The following PRKN variants were observed in gnomAD, a reference collection of about 807,000 sequenced individuals.
The protein encoded by PRKN is parkin RBR E3 ubiquitin protein ligase.
A neutral mutation model predicts 59.5 loss-of-function variants in PRKN; 56 were observed. That is an observed-to-expected ratio of 0.94 (90% CI 0.76 to 1.18). The LOEUF (loss-of-function observed/expected upper bound fraction) is 1.18, where lower values mean the gene tolerates loss of function less well. Ranked by LOEUF, PRKN falls within the 50% of genes most tolerant of loss-of-function variation. The pLI, the probability that PRKN is intolerant of heterozygous loss-of-function variation, is 0.00. For synonymous variants in PRKN, 250 were observed against 222.1 expected (o/e 1.13, Z -1.12); for missense variants, 657 against 596.4 (o/e 1.10, Z -1.06).
In PRKN at chr6:161,350,091, C is replaced by A. The variant is rs368253350; in HGVS notation, c.*8G>T. On this transcript the variant is annotated 3_prime_UTR_variant, in exon 12 of 12. Coordinates refer to ENST00000366898, the MANE Select transcript of PRKN (RefSeq NM_004562.3). ...AGGATGTGGCGATGGGGCGCCCGGCCGCCCTGGCTACACGTCGAACCAGTG... is the reference window on the plus strand; with the variant it reads ...AGGATGTGGCGATGGGGCGCCCGGCAGCCCTGGCTACACGTCGAACCAGTG... 5.0e-6 allele frequency: 8 copies of A among 1,599,322 alleles called. No homozygotes were observed. In the Admixed American group the frequency reaches 1.2e-4, roughly 23 times the overall value.
intron 6 of PRKN, among the ~76,000 whole-genome samples, chr6:161,879,047 T>A (rs751275370): frequency 3.3e-5 from 5 of 152,162 alleles, no homozygotes; most frequent in Non-Finnish European, 7.4e-5. Context: ...AAGTGCCGAT[T>A]CCTACCCTCT....
intron 1 of PRKN, among the ~76,000 whole-genome samples, chr6:162,444,507 A>G (rs1241464270): frequency 6.6e-6 from 1 of 151,796 alleles, no homozygotes; most frequent in African/African-American, 2.4e-5. Flanking sequence ...AAAAATCACA[A>G]AAAACTGCTG....
At chr6:161,922,820 T>C (rs1583350831) in intron 6 of PRKN, among the ~76,000 whole-genome samples, 1 of 152,228 alleles carries the variant, frequency 6.6e-6, no homozygotes, top group Non-Finnish European at 1.5e-5. Flanking sequence ...AGTTGGAGTT[T>C]TGTTTTTAAT....
chr6:161,915,477 T>C (rs1332623864), intron 6 of PRKN, among the ~76,000 whole-genome samples: 1 of 152,208 alleles, frequency 6.6e-6, no homozygotes, highest in Non-Finnish European at 1.5e-5. Flanking sequence ...AGAGTTTTAA[T>C]TTTCTTATCA....
chr6:162,563,069 G>A (rs1395138091), intron 1 of PRKN, among the ~76,000 whole-genome samples: 2 of 152,276 alleles, frequency 1.3e-5, no homozygotes, highest in African/African-American at 4.8e-5. Context: ...CTGGGAGGCC[G>A]AGGCGGGCGG....
At position 161,459,618 on chromosome 6, in the gene PRKN, G is replaced by A. The variant is rs766849078; in HGVS notation, c.1084-72741C>T. Reference sequence around the variant, plus strand: ...CAGCTTCTCTGAGATCCATCCTGCTGTCAGCCCTAGAACTCCCTCACAAGC... The same window carrying A: ...CAGCTTCTCTGAGATCCATCCTGCTATCAGCCCTAGAACTCCCTCACAAGC... On this transcript the variant is annotated intron_variant, in intron 9 of 11. Coordinates refer to ENST00000366898, the MANE Select transcript of PRKN (RefSeq NM_004562.3). The surrounding 1 kb of genome is among the most constrained non-coding windows in gnomAD (Gnocchi z 4.8). 1.3e-5 allele frequency among the ~76,000 whole-genome samples: 2 copies of A among 152,154 alleles called. No individual in the cohort carries two copies. The highest frequency in any genetic ancestry group is 2.9e-5 in the Non-Finnish European group (2 of 68,020).
At chr6:161,954,103 A>G (rs1217707362) in intron 6 of PRKN, among the ~76,000 whole-genome samples, 1 of 152,160 alleles carries the variant, frequency 6.6e-6, no homozygotes, top group Non-Finnish European at 1.5e-5. Flanking sequence ...TTTGGGCAGG[A>G]AGAGATTTTT....
intron 7 of PRKN, among the ~76,000 whole-genome samples, chr6:161,606,422 C>T (rs1013122032): frequency 2.0e-5 from 3 of 152,088 alleles, no homozygotes; most frequent in African/African-American, 7.2e-5. Context: ...ATGGTGGTGA[C>T]AGTAACTGAA....
chr6:161,803,213 G>A (rs768491084), intron 6 of PRKN, among the ~76,000 whole-genome samples: 1 of 152,142 alleles, frequency 6.6e-6, no homozygotes, highest in Non-Finnish European at 1.5e-5. Flanking sequence ...AAGAATGCTG[G>A]TTTTGCCACT....
chr6:161,802,558 T>G (rs1791132343), intron 6 of PRKN, among the ~76,000 whole-genome samples: 1 of 151,996 alleles, frequency 6.6e-6, no homozygotes, highest in African/African-American at 2.4e-5. Context: ...TGTGCGAGCG[T>G]GCTTCCCCAA....
rs766915327 is a variant in PRKN at position 161,360,168 on chromosome 6, C to T, written c.1205G>A (p.Arg402His). 5.4e-5 allele frequency: 87 copies of T among 1,614,164 alleles called. No homozygotes were observed. The highest frequency in any genetic ancestry group is 4.9e-4 in the South Asian group (45 of 91,084). ...RVDERAAEQA[R>H]WEAASKETIK... The stretch of plus-strand genomic sequence containing the variant: ...GGTTTCTTTGGAGGCTGCTTCCCAA[C>T]GAGCCTGCTCGGCGGCTCTTTCATC... Residue 402 changes from arginine (R) to histidine (H), a missense_variant, in exon 11 of 12, where the codon CGT (arginine) becomes CAT (histidine). Arg to His is a conservative substitution (Grantham distance 29). Transcript: ENST00000366898. The surrounding 1 kb of genome is among the most constrained non-coding windows in gnomAD (Gnocchi z 5.1).
intron 3 of PRKN, among the ~76,000 whole-genome samples, chr6:162,204,456 G>GA (rs1784851587): frequency 1.3e-5 from 2 of 151,886 alleles, no homozygotes; most frequent in Admixed American, 6.6e-5. Context: ...GTACTTCTCA[G>GA]AAAAAAACAA....
At position 161,785,880 on chromosome 6, in the gene PRKN, AG is replaced by A; in HGVS notation, c.762del (p.Ser255ProfsTer4). 6.2e-7 allele frequency: 1 copy of A among 1,614,120 alleles called. No homozygotes were observed. Among genetic ancestry groups the A allele is most frequent in the South Asian group, 1.1e-5 (1 of 91,076 alleles). ...CAGTCTAAGCAAATCACGTGGCGGGAGTTGCACTGGAAAACCAGGACGGGGC... is the reference window on the plus strand; with the variant it reads ...CAGTCTAAGCAAATCACGTGGCGGGATTGCACTGGAAAACCAGGACGGGGC... The part of the protein sequence containing the change: ...VRSPVLVFQC[N>X]SRHVICLDCF... On this transcript the variant is annotated frameshift_variant, in exon 7 of 12. Transcript: ENST00000366898. LOFTEE classifies it high-confidence loss of function.
chr6:162,445,689 TAAAAAA>T (rs71004091), intron 1 of PRKN, among the ~76,000 whole-genome samples: 393 of 28,712 alleles, frequency 0.014, 17 homozygotes, highest in African/African-American at 0.065. Context: ...AGACCTTGTC[TAAAAAA>T]AAAAAAAAAA....
chr6:161,541,502 A>G lies in PRKN; in HGVS notation c.1083+7352T>C, dbSNP rs191334855. Among the ~76,000 whole-genome samples, 10 of 152,330 alleles carry G rather than the reference A, an allele frequency of 6.6e-5. No homozygotes were observed. The East Asian group carries it at 1.9e-3, about 29-fold the overall frequency. Reference sequence around the variant, plus strand: ...CTGATTTTCTAACACATTATTCAAAAAGATGGATCTTACGATTTTGAAAGA... The same window carrying G: ...CTGATTTTCTAACACATTATTCAAAGAGATGGATCTTACGATTTTGAAAGA... On this transcript the variant is annotated intron_variant, in intron 9 of 11. Transcript: ENST00000366898.
chr6:161,885,664 CAAAAA>C (rs57209835), intron 6 of PRKN, among the ~76,000 whole-genome samples: 55,896 of 114,150 alleles, frequency 0.49, 10,674 homozygotes, highest in East Asian at 0.63. Flanking sequence ...GACTCTGTCT[CAAAAA>C]AAAAAAAAAA....
At chr6:162,093,616 C>G (rs1313501110) in intron 4 of PRKN, among the ~76,000 whole-genome samples, 1 of 152,178 alleles carries the variant, frequency 6.6e-6, no homozygotes, top group Admixed American at 6.5e-5. Flanking sequence ...TGTAAAAGGA[C>G]CTTCTTGTCA....
At chr6:161,653,603 C>T (rs569140260) in intron 7 of PRKN, among the ~76,000 whole-genome samples, 1 of 152,340 alleles carries the variant, frequency 6.6e-6, no homozygotes, top group South Asian at 2.1e-4. Context: ...CTGCAACATT[C>T]TCTCTAGCCA....
intron 7 of PRKN, among the ~76,000 whole-genome samples, chr6:161,783,002 G>C (rs1348971247): frequency 6.6e-6 from 1 of 152,060 alleles, no homozygotes; most frequent in African/African-American, 2.4e-5. Flanking sequence ...ATCCCTATAA[G>C]GATATACCCT....
Sources: allele counts gnomAD v4.1 joint callset (sites outside exome capture counted in the v4.1 genomes callset), GRCh38; gene constraint gnomAD v4.1.1; non-coding constraint Gnocchi (gnomAD v3.1); transcripts MANE v1.5; gene names NCBI Gene and HGNC (gene_info 2026-07-23, HGNC 2026-07-21).